The following KDELR2 variants were observed in gnomAD, a reference collection of about 807,000 sequenced individuals.
KDELR2 encodes the protein ER lumen protein-retaining receptor 2.
KDELR2 carries 15 observed loss-of-function variants against 23.9 expected under a neutral mutation model. That is an observed-to-expected ratio of 0.63 (90% CI 0.42 to 0.97). The LOEUF (loss-of-function observed/expected upper bound fraction) is 0.97, where lower values mean the gene tolerates loss of function less well. Among genes scored for constraint, KDELR2 ranks in the 50% least tolerant of loss-of-function variants. The pLI is 0.00. For synonymous variants in KDELR2, 119 were observed against 106.2 expected, an observed-to-expected ratio of 1.12 and a Z score of -0.74; for missense variants, 272 against 254.6, an observed-to-expected ratio of 1.07 and a Z score of -0.46.
rs1206035683 is a variant in KDELR2, at chr7:6,473,082, AT to A, written c.192+1101del. On this transcript the variant is annotated intron_variant, in intron 2 of 4. Transcript: ENST00000258739. Reference sequence around the variant, plus strand: ...GCCACCATGCCTGGCTAATTTTTGTATTTTTTTTTTTTTTTTTTTTTTAGAG... The same window carrying A: ...GCCACCATGCCTGGCTAATTTTTGTATTTTTTTTTTTTTTTTTTTTTAGAG... 1.0e-3 allele frequency among the ~76,000 whole-genome samples: 95 copies of A among 94,858 alleles called. 1 individual carries two copies. The highest frequency in any genetic ancestry group is 6.6e-3 in the East Asian group (21 of 3,176). 62.2% of individuals were successfully genotyped at this position (94,858 alleles called of 152,430 possible). A position where few individuals can be genotyped will look rare whatever the true frequency, so the allele number is the denominator to read the frequency against.
intron 1 of KDELR2, among the ~76,000 whole-genome samples, chr7:6,476,074 C>T (rs1030125120): frequency 1.3e-5 from 2 of 152,146 alleles, no homozygotes; most frequent in Non-Finnish European, 2.9e-5. Context: ...ACCACCACAC[C>T]TGGCTAATAT....
rs1785400158 is a variant in KDELR2, at chr7:6,462,073, C to T, written c.*1068G>A. 2 of 152,044 alleles carry T rather than the reference C, an allele frequency of 1.3e-5. No homozygotes were observed. The highest frequency in any genetic ancestry group is 4.1e-4 in the South Asian group (2 of 4,824). The allele number at this position is 152,044 out of a possible 1,614,324, so 9.4% of individuals were successfully genotyped here. A position where few individuals can be genotyped will look rare whatever the true frequency, so the allele number is the denominator to read the frequency against. The stretch of plus-strand genomic sequence containing the variant: ...TAGGATGGTAACATAAGTCATGCAA[C>T]AGCTCTGTAAAACAAAACAAAACAA... On this transcript the variant is annotated 3_prime_UTR_variant, in exon 5 of 5. Coordinates refer to ENST00000258739, the MANE Select transcript of KDELR2 (RefSeq NM_006854.4).
chr7:6,482,132 A>G (rs1304656472), intron 1 of KDELR2, among the ~76,000 whole-genome samples: 1 of 152,116 alleles, frequency 6.6e-6, no homozygotes, highest in African/African-American at 2.4e-5. Context: ...CCTACCGAGT[A>G]GCTGGGATTA....
chr7:6,483,966 C>A lies in KDELR2; in HGVS notation c.91+1G>T. ...TCTCCGGGCCTTCCCCCGCCGCTCA[C>A]CGGCGCAGGAGCGCGTCTTCCAGAT... On this transcript the variant is annotated splice_donor_variant, in intron 1 of 4. Coordinates refer to ENST00000258739, the MANE Select transcript of KDELR2 (RefSeq NM_006854.4). LOFTEE classifies it high-confidence loss of function. The A allele has an allele frequency of 6.6e-7, 1 of 1,516,202 alleles. No homozygotes were observed. The highest frequency in any genetic ancestry group is 8.9e-7 in the Non-Finnish European group (1 of 1,128,222). 93.9% of individuals were successfully genotyped at this position (1,516,202 alleles called of 1,614,324 possible). A position where few individuals can be genotyped will look rare whatever the true frequency, so the allele number is the denominator to read the frequency against.
At chr7:6,471,123 TAAAAAATA>T (rs1222126837) in intron 2 of KDELR2, among the ~76,000 whole-genome samples, 2 of 22,132 alleles carry the variant, frequency 9.0e-5, no homozygotes, top group African/African-American at 2.7e-4. Flanking sequence ...TCAAAAAAAA[TAAAAAATA>T]AATAAATAAA....
At chr7:6,483,452 G>C (rs1219977396) in intron 1 of KDELR2, among the ~76,000 whole-genome samples, 1 of 152,200 alleles carries the variant, frequency 6.6e-6, no homozygotes, top group Non-Finnish European at 1.5e-5. Flanking sequence ...CACGGGCAGG[G>C]TGGGGAGCCG....
At chr7:6,474,389 T>A (rs1785713600) in intron 1 of KDELR2, 105 bp from the exon 2 acceptor site, 1 of 751,070 alleles carries the variant, frequency 1.3e-6, no homozygotes, top group East Asian at 2.5e-5. Context: ...GTGCGTGGGG[T>A]CAAGGCCCAG....
At chr7:6,468,929 C>CCACCA (rs1785562484) in intron 3 of KDELR2, among the ~76,000 whole-genome samples, 1 of 152,038 alleles carries the variant, frequency 6.6e-6, no homozygotes, top group South Asian at 2.1e-4. Context: ...GTGTGGTGAG[C>CCACCA]CACCAGGCCC....
intron 2 of KDELR2, among the ~76,000 whole-genome samples, chr7:6,473,247 G>A (rs576757794): frequency 6.6e-5 from 10 of 151,764 alleles, no homozygotes; most frequent in South Asian, 2.1e-4. Flanking sequence ...CCATAGGTTC[G>A]CAACTCTTAT....
Position 6,484,111 on chromosome 7 carries a change from C to A in KDELR2, c.-54G>T. The A allele has an allele frequency of 1.6e-6, 2 of 1,255,488 alleles. No individual in the cohort carries two copies. Among genetic ancestry groups the A allele is most frequent in the Non-Finnish European group, 2.0e-6 (2 of 987,970 alleles). The allele number at this position is 1,255,488 out of a possible 1,614,324, so 77.8% of individuals were successfully genotyped here. A position where few individuals can be genotyped will look rare whatever the true frequency, so the allele number is the denominator to read the frequency against. ...GCGCGGCGGCCCCGGGGCTGGGCGG[C>A]TCAGGAGGCGGCGGCCCCTGAGAGG... On this transcript the variant is annotated 5_prime_UTR_variant, in exon 1 of 5. Transcript: ENST00000258739.
In KDELR2 at chr7:6,466,237, G is replaced by C. The variant is rs1785500517; in HGVS notation, c.438C>G (p.Thr146=). The C allele has an allele frequency of 6.2e-7, 1 of 1,614,006 alleles. No homozygotes were observed. Among genetic ancestry groups the C allele is most frequent in the Admixed American group, 1.7e-5 (1 of 59,986 alleles). ...FMISKTGEAE[T]ITTHYLFFLG... Reference sequence around the variant, plus strand: ...GGAAGAACAGGTAGTGGGTGGTGATGGTCTCGGCCTCCCCAGTCTTGCTGA... The same window carrying C: ...GGAAGAACAGGTAGTGGGTGGTGATCGTCTCGGCCTCCCCAGTCTTGCTGA... The change falls in exon 4 of 5, where the codon ACC becomes ACG. Residue 146 remains threonine (T), a synonymous_variant. Transcript: ENST00000258739.
At chr7:6,463,553 G>A (rs1303556554) in intron 4 of KDELR2, among the ~76,000 whole-genome samples, 2 of 151,146 alleles carry the variant, frequency 1.3e-5, no homozygotes, top group East Asian at 3.9e-4. Context: ...CAAAAAAAGT[G>A]AGAGCGACCC....
chr7:6,467,221 G>A (rs1248571563), intron 3 of KDELR2, among the ~76,000 whole-genome samples: 3 of 152,102 alleles, frequency 2.0e-5, no homozygotes, highest in East Asian at 3.9e-4. Flanking sequence ...CCTGCTTTCC[G>A]CCAGGATTGA....
intron 1 of KDELR2, among the ~76,000 whole-genome samples, chr7:6,481,513 G>A (rs12112241): frequency 0.32 from 47,873 of 151,928 alleles, 9,100 homozygotes; most frequent in Non-Finnish European, 0.44. Context: ...AAAAACATAT[G>A]GAAGAAAATG....
At chr7:6,473,973 C>A (rs1785704687) in intron 2 of KDELR2, 1 of 402,458 alleles carries the variant, frequency 2.5e-6, no homozygotes, top group Non-Finnish European at 4.4e-6. Flanking sequence ...TAATTAACTA[C>A]TGTTTTGAAA....
intron 4 of KDELR2, among the ~76,000 whole-genome samples, chr7:6,464,348 G>A (rs1040091927): frequency 5.4e-5 from 8 of 146,920 alleles, no homozygotes; most frequent in Non-Finnish European, 9.0e-5. Context: ...GTGAAACCCC[G>A]TCTCTATTAA....
intron 1 of KDELR2, among the ~76,000 whole-genome samples, chr7:6,481,470 A>G (rs1785890007): frequency 6.6e-6 from 1 of 152,164 alleles, no homozygotes; most frequent in Non-Finnish European, 1.5e-5. Context: ...GCACACTTCA[A>G]GGCTTAATGA....
chr7:6,476,667 C>T (rs1351527345), intron 1 of KDELR2, among the ~76,000 whole-genome samples: 1 of 152,198 alleles, frequency 6.6e-6, no homozygotes, highest in Non-Finnish European at 1.5e-5. Flanking sequence ...ATCATATTGT[C>T]TTTACCAGCC....
At chr7:6,466,563 C>T (rs1380288493) in intron 3 of KDELR2, among the ~76,000 whole-genome samples, 5 of 151,960 alleles carry the variant, frequency 3.3e-5, no homozygotes, top group Admixed American at 6.6e-5. Context: ...TGGATGGTTT[C>T]GGGATGATTC....
Sources: gnomAD v4.1 joint callset for allele counts (sites outside exome capture counted in the v4.1 genomes callset) on GRCh38, gnomAD v4.1.1 for gene constraint, MANE v1.5 for transcripts, NCBI Gene and HGNC (gene_info 2026-07-23, HGNC 2026-07-21) for gene names.